CDH8: variants seen among roughly 807,000 people sequenced by gnomAD.
The protein encoded by CDH8 is cadherin-8.
Under a neutral mutation model 68.1 loss-of-function variants are expected in CDH8, and 17 were observed. That is an observed-to-expected ratio of 0.25 (90% confidence interval 0.17 to 0.37). The LOEUF (loss-of-function observed/expected upper bound fraction) is 0.37, where lower values mean the gene tolerates loss of function less well. Ranked by LOEUF, CDH8 falls within the 10% of genes least tolerant of loss-of-function variation. The pLI, the probability that CDH8 is intolerant of heterozygous loss-of-function variation, is 1.00. For synonymous variants in CDH8, 372 were observed against 365.1 expected, an observed-to-expected ratio of 1.02 and a Z score of -0.21; for missense variants, 763 against 999.3, an observed-to-expected ratio of 0.76 and a Z score of 3.19.
chr16:61,983,126 A>T (rs1216816496), intron 2 of CDH8, among the ~76,000 whole-genome samples: 1 of 152,190 alleles, frequency 6.6e-6, no homozygotes, highest in Non-Finnish European at 1.5e-5. Context: ...ATACTACAGC[A>T]TCCCTGTCTT....
intron 2 of CDH8, among the ~76,000 whole-genome samples, chr16:62,001,254 G>A (rs147937213): frequency 0.013 from 1,947 of 152,266 alleles, 29 homozygotes; most frequent in South Asian, 0.024. Flanking sequence ...AATAGGTACA[G>A]TTAGAGTTAA....
At chr16:61,773,111 T>C (rs1052760439) in intron 8 of CDH8, among the ~76,000 whole-genome samples, 4 of 152,050 alleles carry the variant, frequency 2.6e-5, no homozygotes, top group Admixed American at 2.0e-4. Flanking sequence ...CGTTCCTGAT[T>C]CCCCTCATCT....
chr16:61,702,169 T>C (rs904989733), intron 10 of CDH8, among the ~76,000 whole-genome samples: 1 of 152,040 alleles, frequency 6.6e-6, no homozygotes. Flanking sequence ...TCAGGAGATC[T>C]AGACCATCCT....
intron 8 of CDH8, among the ~76,000 whole-genome samples, chr16:61,783,330 G>T (rs1469606626): frequency 7.8e-6 from 1 of 127,798 alleles, no homozygotes; most frequent in African/African-American, 3.2e-5. Flanking sequence ...TGGAAGAAAG[G>T]GTATCAGCAA....
At chr16:61,851,873 A>G (rs1247857293) in intron 4 of CDH8, among the ~76,000 whole-genome samples, 1 of 151,960 alleles carries the variant, frequency 6.6e-6, no homozygotes, top group Non-Finnish European at 1.5e-5. Context: ...TGTCATTCCC[A>G]GGTATGAACT....
At chr16:62,020,849 G>T (rs1220874922) in intron 2 of CDH8, among the ~76,000 whole-genome samples, 1 of 152,150 alleles carries the variant, frequency 6.6e-6, no homozygotes, top group Non-Finnish European at 1.5e-5. Context: ...AAAAGGTTTG[G>T]CATGAGATCT....
chr16:61,709,784 A>G (rs1200252170), intron 10 of CDH8, among the ~76,000 whole-genome samples: 1 of 151,830 alleles, frequency 6.6e-6, no homozygotes, highest in Non-Finnish European at 1.5e-5. Context: ...TCCTGCAGCT[A>G]TTTCTGTGGC....
At chr16:61,836,844 G>C (rs1321614807) in intron 4 of CDH8, among the ~76,000 whole-genome samples, 1 of 151,990 alleles carries the variant, frequency 6.6e-6, no homozygotes, top group Non-Finnish European at 1.5e-5. Context: ...ATACAAAAGT[G>C]AAAGGTGTTC....
intron 2 of CDH8, among the ~76,000 whole-genome samples, chr16:61,941,519 C>T (rs922371315): frequency 5.3e-5 from 8 of 152,054 alleles, no homozygotes; most frequent in East Asian, 1.9e-4. Flanking sequence ...GCACAGTCTC[C>T]GCTCACTGCA....
chr16:61,755,013 C>T (rs1355916891), intron 8 of CDH8, among the ~76,000 whole-genome samples: 2 of 152,132 alleles, frequency 1.3e-5, no homozygotes, highest in South Asian at 2.1e-4. Context: ...CAAGTCAGAA[C>T]ATGCAGTATT....
chr16:61,740,442 G>T (rs1211466616), intron 8 of CDH8, among the ~76,000 whole-genome samples: 2 of 151,984 alleles, frequency 1.3e-5, no homozygotes, highest in Non-Finnish European at 2.9e-5. Context: ...GCATATAAAT[G>T]TTAAGAATTT....
In CDH8 at chr16:61,997,559, A is replaced by G. The variant is rs182201040; in HGVS notation, c.252+23593T>C. 1.8e-4 allele frequency among the ~76,000 whole-genome samples: 27 copies of G among 152,314 alleles called. No individual in the cohort carries two copies. The East Asian group carries it at 4.8e-3, about 27-fold the overall frequency. ...TGCTAAAACTATTGGATGAAAGTCT[A>G]ATGAGAAATAGAATTGTCAGAAAGT... On this transcript the variant is annotated intron_variant, in intron 2 of 11. Transcript: ENST00000577390.
At chr16:62,003,561 A>C (rs1403571231) in intron 2 of CDH8, among the ~76,000 whole-genome samples, 1 of 152,154 alleles carries the variant, frequency 6.6e-6, no homozygotes, top group Non-Finnish European at 1.5e-5. Flanking sequence ...GTTTACTCTT[A>C]GATGGCTCAA....
chr16:61,729,181 C>G (rs1959465506), intron 8 of CDH8, among the ~76,000 whole-genome samples: 1 of 151,082 alleles, frequency 6.6e-6, no homozygotes, highest in African/African-American at 2.4e-5. Flanking sequence ...ACCAAGATTA[C>G]TAAGTTAAGC....
At chr16:61,681,246 A>G (rs2142800577) in intron 10 of CDH8, among the ~76,000 whole-genome samples, 1 of 152,032 alleles carries the variant, frequency 6.6e-6, no homozygotes, top group African/African-American at 2.4e-5. Context: ...AGCATTATTC[A>G]CAGTCACCAA....
intron 9 of CDH8, among the ~76,000 whole-genome samples, chr16:61,716,483 A>G (rs1452197043): frequency 2.6e-5 from 4 of 151,838 alleles, no homozygotes; most frequent in African/African-American, 9.6e-5. Flanking sequence ...TACTGACTAA[A>G]AAGTCTCAGA....
At chr16:61,824,924 G>C in intron 5 of CDH8, 88 bp downstream of exon 5, 1 of 1,153,630 alleles carries the variant, frequency 8.7e-7, no homozygotes, top group Non-Finnish European at 1.2e-6. Flanking sequence ...GTTGCTGTCA[G>C]GTTTTTAATT....
At position 61,649,019 on chromosome 16, in the gene CDH8, T is replaced by C. The variant is rs1025684325; in HGVS notation, c.*4589A>G. 6.6e-6 allele frequency: 1 copy of C among 151,996 alleles called. No individual in the cohort carries two copies. The highest frequency in any genetic ancestry group is 2.4e-5 in the African/African-American group (1 of 41,416). The allele number at this position is 151,996 out of a possible 1,614,324, so 9.4% of individuals were successfully genotyped here. On this transcript the variant is annotated 3_prime_UTR_variant, in exon 12 of 12. Coordinates refer to ENST00000577390, the MANE Select transcript of CDH8 (RefSeq NM_001796.5). ...ATAATTACAAGGGCAAATAATACAT[T>C]CAACACTGTTTGGCTGAGTAACAGT...
chr16:61,969,874 A>G (rs1370011593), intron 2 of CDH8, among the ~76,000 whole-genome samples: 6 of 152,366 alleles, frequency 3.9e-5, no homozygotes, highest in East Asian at 1.9e-4. Context: ...AAAGCCACCA[A>G]TGAAGATGCT....
Sources: gnomAD v4.1 joint callset for allele counts (sites outside exome capture counted in the v4.1 genomes callset) on GRCh38, gnomAD v4.1.1 for gene constraint, MANE v1.5 for transcripts, NCBI Gene and HGNC (gene_info 2026-07-23, HGNC 2026-07-21) for gene names.